DIP2B: variants seen among roughly 807,000 people sequenced by gnomAD.
DIP2B encodes disco-interacting protein 2 homolog B.
DIP2B carries 76 observed loss-of-function variants against 198.0 expected under a neutral mutation model. That is an observed-to-expected ratio of 0.38 (90% CI 0.32 to 0.46). The LOEUF is 0.46. Among genes scored for constraint, DIP2B ranks in the 20% least tolerant of loss-of-function variants. The pLI, the probability that DIP2B is intolerant of heterozygous loss-of-function variation, is 0.99. For missense variants in DIP2B, 1,559 were observed against 1,978.4 expected (o/e 0.79, Z 4.02); for synonymous variants, 701 against 739.1 (o/e 0.95, Z 0.84).
intron 26 of DIP2B, among the ~76,000 whole-genome samples, chr12:50,721,647 G>A (rs962967737): frequency 6.6e-6 from 1 of 152,106 alleles, no homozygotes; most frequent in Non-Finnish European, 1.5e-5. Context: ...CACATAAAAG[G>A]CACTCAGTAA....
At chr12:50,732,341 G>C (rs1193836055) in intron 31 of DIP2B, 25 bp from the exon 32 acceptor site, 2 of 1,612,752 alleles carry the variant, frequency 1.2e-6, no homozygotes, top group Non-Finnish European at 1.7e-6. Flanking sequence ...TACTGACTTG[G>C]CTCCCATATA....
intron 3 of DIP2B, among the ~76,000 whole-genome samples, chr12:50,654,194 C>T (rs538069156): frequency 4.6e-4 from 70 of 151,976 alleles, no homozygotes; most frequent in Non-Finnish European, 7.9e-4. Context: ...ATTTTGGATT[C>T]GTTTGTTCTT....
chr12:50,672,727 C>T (rs1938876027), intron 5 of DIP2B, among the ~76,000 whole-genome samples: 1 of 152,032 alleles, frequency 6.6e-6, no homozygotes, highest in African/African-American at 2.4e-5. Context: ...AGTAAAATAA[C>T]CTATAATCCT....
chr12:50,740,966 T>C (rs937776550), intron 36 of DIP2B, among the ~76,000 whole-genome samples: 1 of 152,172 alleles, frequency 6.6e-6, no homozygotes, highest in Non-Finnish European at 1.5e-5. Flanking sequence ...TGATGTCCTC[T>C]GCCCCTCCGA....
intron 1 of DIP2B, among the ~76,000 whole-genome samples, chr12:50,622,736 T>C (rs897094135): frequency 9.2e-5 from 14 of 152,310 alleles, no homozygotes; most frequent in African/African-American, 3.4e-4. Flanking sequence ...CTCAGTCTCC[T>C]GAGTAGCTGA....
intron 4 of DIP2B, among the ~76,000 whole-genome samples, chr12:50,662,937 C>T (rs1297856003): frequency 3.3e-5 from 5 of 151,718 alleles, no homozygotes; most frequent in South Asian, 4.2e-4. Flanking sequence ...GGTGAAACCC[C>T]GTCCCGGCTA....
At chr12:50,660,422 C>T (rs536502826) in intron 4 of DIP2B, 103 bp downstream of exon 4, 67 of 1,307,192 alleles carry the variant, frequency 5.1e-5, no homozygotes, top group Admixed American at 3.5e-4. Flanking sequence ...ATCTTCTCCC[C>T]GCCATTAGAG....
chr12:50,599,573 GCCATTGCACT>G (rs1344846854), intron 1 of DIP2B, among the ~76,000 whole-genome samples: 1 of 152,080 alleles, frequency 6.6e-6, no homozygotes, highest in Non-Finnish European at 1.5e-5. Flanking sequence ...CCGAGATTGC[GCCATTGCACT>G]CCAGCCTGGG....
intron 1 of DIP2B, among the ~76,000 whole-genome samples, chr12:50,614,666 A>G (rs966394159): frequency 6.6e-6 from 1 of 151,920 alleles, no homozygotes; most frequent in East Asian, 1.9e-4. Context: ...TGGCTTGCCC[A>G]GTATCAGATA....
chr12:50,685,248 A>G (rs1592127033), intron 10 of DIP2B, among the ~76,000 whole-genome samples: 3 of 152,240 alleles, frequency 2.0e-5, no homozygotes, highest in African/African-American at 7.2e-5. Context: ...GTGTGGTTTC[A>G]TAATGATGCT....
intron 1 of DIP2B, among the ~76,000 whole-genome samples, chr12:50,586,048 C>T (rs139746512): frequency 7.3e-4 from 111 of 152,284 alleles, no homozygotes; most frequent in African/African-American, 2.6e-3. Flanking sequence ...AGAACTCATG[C>T]GTCCTAGATG....
intron 1 of DIP2B, among the ~76,000 whole-genome samples, chr12:50,586,871 C>CA (rs1200554334): frequency 6.6e-6 from 1 of 152,128 alleles, no homozygotes; most frequent in Non-Finnish European, 1.5e-5. Context: ...CTGTGCCCGG[C>CA]AAAAAATTTT....
Position 50,735,099 on chromosome 12 carries a change from C to T in DIP2B, c.4070C>T (p.Pro1357Leu). 2 of 1,614,156 alleles carry T rather than the reference C, an allele frequency of 1.2e-6. No individual in the cohort carries two copies. Among genetic ancestry groups the T allele is most frequent in the Non-Finnish European group, 1.7e-6 (2 of 1,180,026 alleles). The change falls in exon 34 of 38, where the codon CCT (proline) becomes CTT (leucine). Residue 1357 changes from proline to leucine, a missense_variant. Coordinates refer to ENST00000301180, the MANE Select transcript of DIP2B (RefSeq NM_173602.3). ...DRVRLVERGA[P>L]QSLLLSESGK... ...GTTCGTCTCGTGGAACGTGGCGCCC[C>T]TCAGAGTTTGCTTCTCTCAGAGTCT...
chr12:50,651,584 A>G (rs1938453844), intron 3 of DIP2B, among the ~76,000 whole-genome samples: 1 of 152,178 alleles, frequency 6.6e-6, no homozygotes, highest in Non-Finnish European at 1.5e-5. Context: ...TGAAGAAACT[A>G]TCCTTTCCTC....
Position 50,732,602 on chromosome 12 carries a change from G to T in DIP2B, c.3981+66G>T, listed in dbSNP as rs893319435. ...GAATATGGAGTATCCCAGAGCATGG[G>T]CTTTGGAGCCAGGCTGCCTGGGCTT... On this transcript the variant is annotated intron_variant, in intron 32 of 37. Coordinates refer to ENST00000301180, the MANE Select transcript of DIP2B (RefSeq NM_173602.3). 500 of 1,582,630 alleles carry T rather than the reference G, an allele frequency of 3.2e-4. 2 individuals are homozygous for T. Among genetic ancestry groups the T allele is most frequent in the Non-Finnish European group, 9.0e-5 (104 of 1,161,428 alleles).
chr12:50,631,163 C>T (rs956810420), intron 2 of DIP2B, among the ~76,000 whole-genome samples: 4 of 149,836 alleles, frequency 2.7e-5, no homozygotes, highest in South Asian at 2.1e-4. Context: ...CTCACTCTGT[C>T]GCCCAGGCTG....
At position 50,674,542 on chromosome 12, in the gene DIP2B, C is replaced by T; in HGVS notation, c.709C>T (p.Pro237Ser). The T allele has an allele frequency of 6.2e-7, 1 of 1,614,208 alleles. No individual in the cohort carries two copies. Among genetic ancestry groups the T allele is most frequent in the Non-Finnish European group, 8.5e-7 (1 of 1,180,040 alleles). The change falls in exon 6 of 38, where the codon CCA becomes TCA. Residue 237 changes from proline (P) to serine (S), a missense_variant. By Grantham distance (74) the Pro-to-Ser change is moderately conservative (BLOSUM62 -1). Coordinates refer to ENST00000301180, the MANE Select transcript of DIP2B (RefSeq NM_173602.3). ...SSSSSSSSIR[P>S]ANIDLPPSGI... ...CTCCTCATCATCTTCCTCAATTCGC[C>T]CAGCAAACATTGACCTGCCCCCCTC...
chr12:50,606,524 CAAT>C (rs1440722689), intron 1 of DIP2B, among the ~76,000 whole-genome samples: 2 of 152,172 alleles, frequency 1.3e-5, no homozygotes, highest in Non-Finnish European at 2.9e-5. Flanking sequence ...TTTTCATTTA[CAAT>C]AATGATGCTA....
At chr12:50,710,924 T>A (rs1262316813) in intron 22 of DIP2B, among the ~76,000 whole-genome samples, 1 of 152,188 alleles carries the variant, frequency 6.6e-6, no homozygotes, top group Non-Finnish European at 1.5e-5. Flanking sequence ...AAAGAGAATA[T>A]TTTTCATACC....
Sources: gnomAD v4.1 joint callset for allele counts (sites outside exome capture counted in the v4.1 genomes callset) on GRCh38, gnomAD v4.1.1 for gene constraint, MANE v1.5 for transcripts, NCBI Gene and HGNC (gene_info 2026-07-23, HGNC 2026-07-21) for gene names.